Variants in TBCA observed in about 807,000 individuals in gnomAD.
TBCA encodes tubulin-specific chaperone A.
A neutral mutation model predicts 15.8 loss-of-function variants in TBCA; 6 were observed. The observed-to-expected ratio is 0.38, with a 90% confidence interval of 0.21 to 0.75. The LOEUF is 0.75. Among genes scored for constraint, TBCA ranks in the 30% least tolerant of loss-of-function variants. The pLI is 0.46. For synonymous variants in TBCA, 32 were observed against 42.3 expected, an observed-to-expected ratio of 0.76 and a Z score of 0.94; for missense variants, 90 against 131.2, an observed-to-expected ratio of 0.69 and a Z score of 1.53.
intron 2 of TBCA, among the ~76,000 whole-genome samples, chr5:77,701,383 C>T (rs948826330): frequency 5.3e-5 from 8 of 151,756 alleles, no homozygotes; most frequent in East Asian, 1.9e-4. Flanking sequence ...CCTGCAAGAA[C>T]GATCAAAATC....
At chr5:77,759,792 A>G (rs1747562511) in intron 1 of TBCA, among the ~76,000 whole-genome samples, 1 of 152,212 alleles carries the variant, frequency 6.6e-6, no homozygotes, top group African/African-American at 2.4e-5. Context: ...CATGATTCAC[A>G]GAATACTATG....
At chr5:77,725,635 C>T (rs1036103821) in intron 1 of TBCA, among the ~76,000 whole-genome samples, 11 of 152,184 alleles carry the variant, frequency 7.2e-5, no homozygotes, top group African/African-American at 2.4e-4. Flanking sequence ...CTCAGCAATC[C>T]TTCATTAATC....
intron 1 of TBCA, among the ~76,000 whole-genome samples, chr5:77,731,337 A>G (rs2112468299): frequency 6.6e-6 from 1 of 152,314 alleles, no homozygotes; most frequent in South Asian, 2.1e-4. Flanking sequence ...TCCTAGTTCC[A>G]CTGGTTCAAA....
chr5:77,776,096 G>C (rs1371832790), intron 1 of TBCA, 109 bp downstream of exon 1: 6 of 1,385,660 alleles, frequency 4.3e-6, no homozygotes, highest in Non-Finnish European at 5.9e-6. Flanking sequence ...GGTGCGGCCT[G>C]GAGTTCGGAG....
intron 1 of TBCA, among the ~76,000 whole-genome samples, chr5:77,732,552 A>C (rs2652215): frequency 0.018 from 1,062 of 58,146 alleles, 17 homozygotes; most frequent in East Asian, 0.024. Context: ...CTCTGTCTCA[A>C]AAAAAAAAAA....
intron 1 of TBCA, among the ~76,000 whole-genome samples, chr5:77,728,743 C>CA (rs1746688348): frequency 6.6e-6 from 1 of 152,076 alleles, no homozygotes; most frequent in Non-Finnish European, 1.5e-5. Flanking sequence ...AATTAACACT[C>CA]ATGGAACTAA....
At chr5:77,707,221 G>GCA (rs1379555618) in intron 2 of TBCA, among the ~76,000 whole-genome samples, 1 of 152,172 alleles carries the variant, frequency 6.6e-6, no homozygotes, top group Non-Finnish European at 1.5e-5. Flanking sequence ...AGGTACAGAT[G>GCA]CAGATAGGTT....
intron 2 of TBCA, among the ~76,000 whole-genome samples, chr5:77,701,186 A>G (rs900324497): frequency 2.6e-5 from 4 of 152,312 alleles, no homozygotes; most frequent in African/African-American, 7.2e-5. Context: ...AATATCCAAA[A>G]TCTATAACAA....
At chr5:77,693,024 A>G in intron 3 of TBCA, 1 of 1,424,010 alleles carries the variant, frequency 7.0e-7, no homozygotes. Context: ...TAACTTAAAT[A>G]AATTTAACTA....
chr5:77,729,212 G>A (rs957712226), intron 1 of TBCA, among the ~76,000 whole-genome samples: 11 of 151,964 alleles, frequency 7.2e-5, no homozygotes, highest in African/African-American at 2.7e-4. Flanking sequence ...TATTCGGGAG[G>A]CTAAGGCAGG....
intron 1 of TBCA, among the ~76,000 whole-genome samples, chr5:77,711,571 T>C (rs1176241790): frequency 1.3e-5 from 2 of 152,192 alleles, no homozygotes; most frequent in Non-Finnish European, 2.9e-5. Context: ...TACTGTCTTT[T>C]AACATTTTCA....
At chr5:77,734,049 G>A (rs1746837828) in intron 1 of TBCA, among the ~76,000 whole-genome samples, 1 of 152,182 alleles carries the variant, frequency 6.6e-6, no homozygotes, top group Non-Finnish European at 1.5e-5. Flanking sequence ...CAGCACAACT[G>A]TTTATAGCAT....
At chr5:77,730,703 ACATCCATCCATCCACCCACCTACC>A (rs894652432) in intron 1 of TBCA, among the ~76,000 whole-genome samples, 26 of 151,898 alleles carry the variant, frequency 1.7e-4, no homozygotes, top group African/African-American at 4.3e-4. Flanking sequence ...TCATAATCTC[ACATCCATCCATCCACCCACCTACC>A]CATCCATCCA....
intron 2 of TBCA, among the ~76,000 whole-genome samples, chr5:77,701,542 T>C (rs1159658342): frequency 1.3e-5 from 2 of 151,786 alleles, no homozygotes; most frequent in South Asian, 2.1e-4. Context: ...GCAATTCCTA[T>C]TGGGTATCTA....
intron 1 of TBCA, among the ~76,000 whole-genome samples, chr5:77,758,745 T>C (rs1371653042): frequency 6.6e-6 from 1 of 152,214 alleles, no homozygotes; most frequent in Non-Finnish European, 1.5e-5. Flanking sequence ...GTTGTATGTA[T>C]GCCTGCCTGA....
chr5:77,711,660 A>G (rs1170024141), intron 1 of TBCA, among the ~76,000 whole-genome samples: 1 of 152,206 alleles, frequency 6.6e-6, no homozygotes, highest in African/African-American at 2.4e-5. Context: ...AGCAATAAGA[A>G]CAACATGGTA....
chr5:77,755,963 C>T (rs556513220), intron 1 of TBCA, among the ~76,000 whole-genome samples: 1 of 152,278 alleles, frequency 6.6e-6, no homozygotes, highest in South Asian at 2.1e-4. Flanking sequence ...GTGATGGCAC[C>T]ATTTGCATTC....
chr5:77,734,183 A>G (rs531727556), intron 1 of TBCA, among the ~76,000 whole-genome samples: 1 of 152,332 alleles, frequency 6.6e-6, no homozygotes, highest in African/African-American at 2.4e-5. Context: ...CAAGGAGATT[A>G]ATATTGTTTT....
intron 1 of TBCA, among the ~76,000 whole-genome samples, chr5:77,724,249 A>C (rs1435471438): frequency 6.6e-6 from 1 of 152,078 alleles, no homozygotes; most frequent in East Asian, 1.9e-4. Context: ...CTTTTTTAAA[A>C]ACTAAATTAG....
Sources: gnomAD v4.1 joint callset for allele counts (sites outside exome capture counted in the v4.1 genomes callset) on GRCh38, gnomAD v4.1.1 for gene constraint, MANE v1.5 for transcripts, NCBI Gene and HGNC (gene_info 2026-07-23, HGNC 2026-07-21) for gene names.